The following KIF3B variants were observed in gnomAD, a reference collection of about 807,000 sequenced individuals.
KIF3B encodes the protein kinesin-like protein KIF3B.
Under a neutral mutation model 74.3 loss-of-function variants are expected in KIF3B, and 38 were observed. That is an observed-to-expected ratio of 0.51 (90% CI 0.39 to 0.67). The LOEUF is 0.67. Among genes scored for constraint, KIF3B ranks in the 30% least tolerant of loss-of-function variants. The probability of loss-of-function intolerance (pLI) is 0.00; values close to 1 mark genes in which losing one functional copy is unlikely to be tolerated. For synonymous variants in KIF3B, 326 were observed against 342.5 expected (o/e 0.95, Z 0.53); for missense variants, 649 against 932.0 (o/e 0.70, Z 3.95).
intron 1 of KIF3B, among the ~76,000 whole-genome samples, chr20:32,291,617 ATT>A (rs11475041): frequency 1.3e-3 from 166 of 128,480 alleles, no homozygotes; most frequent in Middle Eastern, 3.7e-3. Flanking sequence ...TGTCTTATAC[ATT>A]TTTTTTTTTT....
At chr20:32,284,651 AAAC>A (rs1386276419) in intron 1 of KIF3B, among the ~76,000 whole-genome samples, 1 of 152,140 alleles carries the variant, frequency 6.6e-6, no homozygotes, top group Non-Finnish European at 1.5e-5. Flanking sequence ...AAGAAGAAGA[AAAC>A]AACAACAATA....
At chr20:32,287,872 CTTTTTT>C (rs10699896) in intron 1 of KIF3B, among the ~76,000 whole-genome samples, 89 of 47,486 alleles carry the variant, frequency 1.9e-3, no homozygotes, top group African/African-American at 6.8e-3. Flanking sequence ...CTAAAAGTAT[CTTTTTT>C]TTTTTTTTTT....
chr20:32,330,207 G>C lies in KIF3B; in HGVS notation c.2035G>C (p.Ala679Pro). 6.2e-7 allele frequency: 1 copy of C among 1,614,170 alleles called. No individual in the cohort carries two copies. Among genetic ancestry groups the C allele is most frequent in the Non-Finnish European group, 8.5e-7 (1 of 1,180,024 alleles). The change falls in exon 8 of 9, where the codon GCC becomes CCC. Residue 679 changes from alanine to proline, a missense_variant. Physicochemically the swap from Ala to Pro is conservative, Grantham distance 27. This residue lies in a region of KIF3B where 186 missense variants were observed against 198.5 expected (regional missense o/e 0.94). Transcript: ENST00000375712. ...SRTTRDYEGPAIAPKVQAALD... is the reference protein window; with the variant it reads ...SRTTRDYEGPPIAPKVQAALD... ...GACCACCAGAGACTATGAGGGTCCAGCCATTGCCCCCAAGGTCCAGGCTGC... is the reference window on the plus strand; with the variant it reads ...GACCACCAGAGACTATGAGGGTCCACCCATTGCCCCCAAGGTCCAGGCTGC...
In KIF3B at chr20:32,293,870, GT is replaced by G. The variant is rs1338166761; in HGVS notation, c.-65-15839del. 2.6e-5 allele frequency among the ~76,000 whole-genome samples: 4 copies of G among 152,292 alleles called. 1 individual carries two copies. Among genetic ancestry groups the G allele is most frequent in the Admixed American group, 2.0e-4 (3 of 15,298 alleles). Reference sequence around the variant, plus strand: ...ATGTATATATGCGTATATATCAGGTGTTTTAAAAATATATGGGTTTATATAT... The same window carrying G: ...ATGTATATATGCGTATATATCAGGTGTTTAAAAATATATGGGTTTATATAT... On this transcript the variant is annotated intron_variant, in intron 1 of 8. Transcript: ENST00000375712.
intron 5 of KIF3B, among the ~76,000 whole-genome samples, chr20:32,322,770 A>T (rs1457968269): frequency 2.5e-5 from 1 of 40,356 alleles, no homozygotes; most frequent in African/African-American, 1.4e-4. Flanking sequence ...ATATATATTT[A>T]TATATATATT....
At chr20:32,319,527 TAC>T (rs71187104) in intron 5 of KIF3B, among the ~76,000 whole-genome samples, 87 of 133,544 alleles carry the variant, frequency 6.5e-4, no homozygotes, top group Middle Eastern at 4.2e-3. Flanking sequence ...ATATATTTCA[TAC>T]ACACACACAC....
chr20:32,312,673 T>C (rs1369872340), intron 2 of KIF3B, among the ~76,000 whole-genome samples: 1 of 152,228 alleles, frequency 6.6e-6, no homozygotes, highest in East Asian at 1.9e-4. Context: ...TCATTATTAC[T>C]GTTCCAAGTA....
At chr20:32,301,770 C>A (rs1350610179) in intron 1 of KIF3B, among the ~76,000 whole-genome samples, 1 of 152,016 alleles carries the variant, frequency 6.6e-6, no homozygotes, top group African/African-American at 2.4e-5. Context: ...CATAGGAAGC[C>A]AATAGTTACT....
In KIF3B at chr20:32,313,768, C is replaced by T. The variant is rs6119824; in HGVS notation, c.1405-2450C>T. Reference sequence around the variant, plus strand: ...TGTCACCCAGGTTGGAGTGCAGTGGCGTGATCTTGGCTCACTGCAGCCTTG... The same window carrying T: ...TGTCACCCAGGTTGGAGTGCAGTGGTGTGATCTTGGCTCACTGCAGCCTTG... On this transcript the variant is annotated intron_variant, in intron 2 of 8. Transcript: ENST00000375712. Among the ~76,000 whole-genome samples the T allele has an allele frequency of 5.3e-3, 808 of 152,162 alleles. 9 individuals are homozygous for T. Among genetic ancestry groups the T allele is most frequent in the African/African-American group, 0.019 (779 of 41,522 alleles).
At position 32,288,754 on chromosome 20, in the gene KIF3B, A is replaced by G. The variant is rs750946539; in HGVS notation, c.-66+10989A>G. Among the ~76,000 whole-genome samples the G allele has an allele frequency of 3.9e-5, 6 of 152,162 alleles. No individual in the cohort carries two copies. The South Asian group carries it at 1.2e-3, about 32-fold the overall frequency. The stretch of plus-strand genomic sequence containing the variant: ...CACTCTGTCGCCTCAGCTCACTGCA[A>G]CCTCCGCCTCCTGGGTTCAAGTGAT... On this transcript the variant is annotated intron_variant, in intron 1 of 8. Transcript: ENST00000375712.
chr20:32,292,536 G>C (rs1346004731), intron 1 of KIF3B, among the ~76,000 whole-genome samples: 8 of 139,244 alleles, frequency 5.7e-5, no homozygotes, highest in Non-Finnish European at 1.2e-4. Flanking sequence ...TCAGGTGTTT[G>C]AGACCAGCCT....
chr20:32,320,478 CAT>C (rs991495866), intron 5 of KIF3B, among the ~76,000 whole-genome samples: 10 of 145,650 alleles, frequency 6.9e-5, no homozygotes, highest in Non-Finnish European at 1.0e-4. Flanking sequence ...CTGCTTTCTT[CAT>C]ATGTGTGTGT....
At chr20:32,322,724 TTATTTATTTATATA>T (rs2047870289) in intron 5 of KIF3B, among the ~76,000 whole-genome samples, 1 of 37,446 alleles carries the variant, frequency 2.7e-5, no homozygotes, top group Non-Finnish European at 4.4e-5. Context: ...ATATTTATAT[TTATTTATTTATATA>T]TATTTATTTA....
intron 1 of KIF3B, among the ~76,000 whole-genome samples, chr20:32,292,207 G>A (rs2047695055): frequency 6.6e-6 from 1 of 152,130 alleles, no homozygotes. Context: ...CCAAAGTGCT[G>A]GGATTATGGG....
chr20:32,309,006 C>T (rs568421701), intron 1 of KIF3B, among the ~76,000 whole-genome samples: 4 of 151,996 alleles, frequency 2.6e-5, no homozygotes, highest in East Asian at 3.9e-4. Flanking sequence ...TGAGCCACCG[C>T]GCCCAGCCGC....
At chr20:32,293,845 A>T (rs142374681) in intron 1 of KIF3B, among the ~76,000 whole-genome samples, 1 of 152,234 alleles carries the variant, frequency 6.6e-6, no homozygotes, top group South Asian at 2.1e-4. Flanking sequence ...AGACATACAC[A>T]TGTATATATG....
At chr20:32,328,903 A>T (rs1013169842) in intron 7 of KIF3B, among the ~76,000 whole-genome samples, 3 of 152,092 alleles carry the variant, frequency 2.0e-5, no homozygotes, top group African/African-American at 4.8e-5. Context: ...TAATTAAATT[A>T]AATTAATTAA....
In KIF3B at chr20:32,331,519, T is replaced by C. The variant is rs1240882413; in HGVS notation, c.*200T>C. 6 of 554,448 alleles carry C rather than the reference T, an allele frequency of 1.1e-5. No individual in the cohort carries two copies. Among genetic ancestry groups the C allele is most frequent in the Non-Finnish European group, 1.9e-5 (6 of 319,412 alleles). The allele number at this position is 554,448 out of a possible 1,614,324, so 34.3% of individuals were successfully genotyped here. A position where few individuals can be genotyped will look rare whatever the true frequency, so the allele number is the denominator to read the frequency against. On this transcript the variant is annotated 3_prime_UTR_variant, in exon 9 of 9. Coordinates refer to ENST00000375712, the MANE Select transcript of KIF3B (RefSeq NM_004798.4). Reference sequence around the variant, plus strand: ...GCACTCAGCCCCTCTGGGAAACATCTTTTAATTAGCATCTCAGAAATGCAT... The same window carrying C: ...GCACTCAGCCCCTCTGGGAAACATCCTTTAATTAGCATCTCAGAAATGCAT...
chr20:32,310,881 G>C lies in KIF3B; in HGVS notation c.1104G>C (p.Gln368His). The C allele has an allele frequency of 1.9e-6, 3 of 1,613,916 alleles. No individual in the cohort carries two copies. Among genetic ancestry groups the C allele is most frequent in the Non-Finnish European group, 2.5e-6 (3 of 1,180,006 alleles). Residue 368 changes from glutamine to histidine, a missense_variant, in exon 2 of 9, where the codon CAG becomes CAC. Physicochemically the swap from Gln to His is conservative, Grantham distance 24. Around this residue, in one of 4 missense-constraint regions of KIF3B, gnomAD observed 363 missense variants for 592.8 expected, o/e 0.61. Coordinates refer to ENST00000375712, the MANE Select transcript of KIF3B (RefSeq NM_004798.4). The surrounding 1 kb of genome is among the most constrained non-coding windows in gnomAD (Gnocchi z 6.5). The part of the protein sequence containing the change: ...FQEEIARLKA[Q>H]LEKRSIGRRK... ...AAGAGATTGCTCGGCTCAAGGCCCA[G>C]CTGGAAAAACGGTCCATTGGTAGGA...
Sources: gnomAD v4.1 joint callset for allele counts (sites outside exome capture counted in the v4.1 genomes callset) on GRCh38, gnomAD v4.1.1 for gene constraint, gnomAD v4.1.1 regional missense constraint, Gnocchi (gnomAD v3.1) non-coding constraint, MANE v1.5 for transcripts, NCBI Gene and HGNC (gene_info 2026-07-23, HGNC 2026-07-21) for gene names.